The following CEP85L variants were observed in gnomAD, a reference collection of about 807,000 sequenced individuals.
CEP85L encodes the protein centrosomal protein 85L.
CEP85L carries 60 observed loss-of-function variants against 100.3 expected under a neutral mutation model. The observed-to-expected ratio is 0.60, with a 90% CI of 0.49 to 0.74. CEP85L has a LOEUF of 0.74. Among genes scored for constraint, CEP85L ranks in the 30% least tolerant of loss-of-function variants. CEP85L has a pLI of 0.00. For missense variants in CEP85L, 973 were observed against 936.2 expected (o/e 1.04, Z -0.51); for synonymous variants, 319 against 322.7 (o/e 0.99, Z 0.12).
upstream of CEP85L, among the ~76,000 whole-genome samples, chr6:118,655,420 A>G (rs747293914): frequency 6.6e-5 from 10 of 152,268 alleles, no homozygotes; most frequent in Non-Finnish European, 1.3e-4. Flanking sequence ...TAGGACTGAC[A>G]TCTTTGTCAA....
intron 2 of CEP85L, among the ~76,000 whole-genome samples, chr6:118,574,621 C>A (rs1780108230): frequency 6.6e-6 from 1 of 152,132 alleles, no homozygotes; most frequent in South Asian, 2.1e-4. Context: ...AATCAGAACC[C>A]ACCCAGTGTG....
intron 1 of CEP85L, among the ~76,000 whole-genome samples, chr6:118,661,192 C>T (rs1455127256): frequency 6.6e-6 from 1 of 151,926 alleles, no homozygotes; most frequent in Non-Finnish European, 1.5e-5. Context: ...GCCAAGGTGT[C>T]AGAATTTTCA....
intron 1 of CEP85L, among the ~76,000 whole-genome samples, chr6:118,697,407 T>C (rs1402719302): frequency 1.3e-5 from 2 of 152,256 alleles, no homozygotes; most frequent in Non-Finnish European, 2.9e-5. Flanking sequence ...TATTTGTTAC[T>C]GTCCATCAGC....
At chr6:118,561,429 A>G (rs919614795) in intron 3 of CEP85L, among the ~76,000 whole-genome samples, 4 of 152,198 alleles carry the variant, frequency 2.6e-5, no homozygotes, top group Non-Finnish European at 5.9e-5. Context: ...TGAGGATTAC[A>G]GAATACTATA....
chr6:118,527,868 T>C (rs1223039812), intron 3 of CEP85L, among the ~76,000 whole-genome samples: 3 of 152,186 alleles, frequency 2.0e-5, no homozygotes, highest in Non-Finnish European at 4.4e-5. Context: ...ACATGTACTT[T>C]AAGTATTGGT....
intron 2 of CEP85L, among the ~76,000 whole-genome samples, chr6:118,591,028 T>C (rs886822990): frequency 1.1e-4 from 16 of 152,198 alleles, no homozygotes; most frequent in Non-Finnish European, 2.4e-4. Context: ...TTCAGTTCAG[T>C]TCAGCTGGGT....
At chr6:118,703,574 C>A (rs1383633336) in intron 1 of CEP85L, among the ~76,000 whole-genome samples, 1 of 152,172 alleles carries the variant, frequency 6.6e-6, no homozygotes, top group Non-Finnish European at 1.5e-5. Context: ...ACAAAAATAG[C>A]ATATAATCTC....
chr6:118,535,637 T>C (rs1436293260), intron 3 of CEP85L, among the ~76,000 whole-genome samples: 1 of 152,200 alleles, frequency 6.6e-6, no homozygotes, highest in African/African-American at 2.4e-5. Context: ...AGGTGAATCA[T>C]CCATTTCTCC....
intron 1 of CEP85L, among the ~76,000 whole-genome samples, chr6:118,696,094 A>T (rs556562796): frequency 1.7e-4 from 26 of 152,226 alleles, no homozygotes; most frequent in African/African-American, 6.3e-4. Context: ...AACATGGTGA[A>T]AACCTGTCTC....
chr6:118,648,361 A>T (rs1775335597), intron 1 of CEP85L, among the ~76,000 whole-genome samples: 1 of 152,268 alleles, frequency 6.6e-6, no homozygotes, highest in Non-Finnish European at 1.5e-5. Context: ...AGCGAAGGCT[A>T]AAAGTTCAGT....
At chr6:118,631,060 T>C (rs928796848) in intron 2 of CEP85L, among the ~76,000 whole-genome samples, 11 of 152,204 alleles carry the variant, frequency 7.2e-5, no homozygotes, top group African/African-American at 2.7e-4. Flanking sequence ...CCCTAATGCA[T>C]GAACACTGGG....
chr6:118,693,164 A>G (rs964622110), intron 1 of CEP85L, among the ~76,000 whole-genome samples: 1 of 152,246 alleles, frequency 6.6e-6, no homozygotes, highest in Non-Finnish European at 1.5e-5. Context: ...GAGACTAAGA[A>G]TGCTGCCCAT....
At chr6:118,644,246 A>C (rs1190754969) in intron 1 of CEP85L, among the ~76,000 whole-genome samples, 2 of 152,006 alleles carry the variant, frequency 1.3e-5, no homozygotes, top group African/African-American at 4.8e-5. Flanking sequence ...CTACCAGAAC[A>C]CTTCATTGTC....
At chr6:118,601,802 C>T (rs1018264293) in intron 2 of CEP85L, among the ~76,000 whole-genome samples, 5 of 152,134 alleles carry the variant, frequency 3.3e-5, no homozygotes, top group Non-Finnish European at 7.3e-5. Context: ...GTGGGAGTGT[C>T]GCAGTGAGGA....
chr6:118,546,504 C>G (rs1778212584), intron 3 of CEP85L, among the ~76,000 whole-genome samples: 3 of 152,160 alleles, frequency 2.0e-5, no homozygotes, highest in Non-Finnish European at 1.5e-5. Context: ...AAACTTAAAG[C>G]AGACTTTCTA....
intron 2 of CEP85L, among the ~76,000 whole-genome samples, chr6:118,604,435 C>T (rs912248152): frequency 1.3e-5 from 2 of 152,204 alleles, no homozygotes; most frequent in South Asian, 4.1e-4. Context: ...TTTATTCTAA[C>T]TTAAAATAAT....
At chr6:118,588,483 C>T (rs187593244) in intron 2 of CEP85L, among the ~76,000 whole-genome samples, 4 of 152,292 alleles carry the variant, frequency 2.6e-5, no homozygotes, top group Admixed American at 2.6e-4. Flanking sequence ...TTAAATGCAA[C>T]ATGCTGCTTC....
chr6:118,682,929 A>T (rs1027841099), intron 1 of CEP85L, among the ~76,000 whole-genome samples: 3 of 152,160 alleles, frequency 2.0e-5, no homozygotes, highest in Admixed American at 2.0e-4. Flanking sequence ...TCTTTCTTGA[A>T]GTTCCTGGGT....
chr6:118,632,642 A>G, intron 1 of CEP85L, 31 bp from the exon 2 acceptor site: 8 of 1,578,286 alleles, frequency 5.1e-6, no homozygotes, highest in East Asian at 4.5e-5. Flanking sequence ...CAGTTAACAC[A>G]TATATCTGAG....
Sources: gnomAD v4.1 joint callset for allele counts (sites outside exome capture counted in the v4.1 genomes callset) on GRCh38, gnomAD v4.1.1 for gene constraint, MANE v1.5 for transcripts, NCBI Gene and HGNC (gene_info 2026-07-23, HGNC 2026-07-21) for gene names.